The following PTBP3 variants were observed in gnomAD, a reference collection of about 807,000 sequenced individuals.
PTBP3 encodes polypyrimidine tract-binding protein 3.
Under a neutral mutation model 58.7 loss-of-function variants are expected in PTBP3, and 20 were observed. That is an observed-to-expected ratio of 0.34 (90% CI 0.24 to 0.50). The LOEUF (loss-of-function observed/expected upper bound fraction) is 0.50, where lower values mean the gene tolerates loss of function less well. Ranked by LOEUF, PTBP3 falls within the 20% of genes least tolerant of loss-of-function variation. The probability of loss-of-function intolerance (pLI) is 0.98; values close to 1 mark genes in which losing one functional copy is unlikely to be tolerated. For missense variants in PTBP3, 509 were observed against 637.2 expected, an observed-to-expected ratio of 0.80 and a Z score of 2.17; for synonymous variants, 185 against 219.8, an observed-to-expected ratio of 0.84 and a Z score of 1.40.
At position 112,227,428 on chromosome 9, in the gene PTBP3, C is replaced by A; in HGVS notation, c.1347G>T (p.Leu449=). The A allele has an allele frequency of 6.2e-7, 1 of 1,613,720 alleles. No individual in the cohort carries two copies. The highest frequency in any genetic ancestry group is 8.5e-7 in the Non-Finnish European group (1 of 1,179,684). ...GTACATACGGAATGTTGGAAAGATGCAGAGTGGCTGATGGTGGAAAGATAT... is the reference window on the plus strand; with the variant it reads ...GTACATACGGAATGTTGGAAAGATGAAGAGTGGCTGATGGTGGAAAGATAT... ...FQNIFPPSAT[L]HLSNIPPSVT... The change falls in exon 12 of 14, where the codon CTG becomes CTT. Residue 449 remains leucine, a synonymous_variant. Coordinates refer to ENST00000374257, the MANE Select transcript of PTBP3 (RefSeq NM_001163788.4).
At position 112,227,644 on chromosome 9, in the gene PTBP3, A is replaced by C. The variant is rs565800476; in HGVS notation, c.1148-17T>G. The C allele has an allele frequency of 6.2e-7, 1 of 1,602,056 alleles. No homozygotes were observed. ...GGTTCATTGCTAGTGCATGGGAAGA[A>C]AATTTTAAAGTTTGAGTATTAGGAT... On this transcript the variant is annotated splice_polypyrimidine_tract_variant and intron_variant, in intron 11 of 13. Transcript: ENST00000374257.
rs1292276390 is a variant in PTBP3, at chr9:112,221,940, G to A, written c.*1911C>T. ...CTTTTAAGAGAAGGGGTCACACTATGTTCCAGGGCTGGAGTGAAGTGGCTA... is the reference window on the plus strand; with the variant it reads ...CTTTTAAGAGAAGGGGTCACACTATATTCCAGGGCTGGAGTGAAGTGGCTA... On this transcript the variant is annotated 3_prime_UTR_variant, in exon 14 of 14. Transcript: ENST00000374257. 2 of 948,478 alleles carry A rather than the reference G, an allele frequency of 2.1e-6. No homozygotes were observed. The highest frequency in any genetic ancestry group is 3.5e-5 in the African/African-American group (2 of 56,392). 58.8% of individuals were successfully genotyped at this position (948,478 alleles called of 1,614,324 possible). A position where few individuals can be genotyped will look rare whatever the true frequency, so the allele number is the denominator to read the frequency against.
At chr9:112,291,892 C>T (rs1828448227) in intron 2 of PTBP3, among the ~76,000 whole-genome samples, 1 of 152,080 alleles carries the variant, frequency 6.6e-6, no homozygotes, top group African/African-American at 2.4e-5. Context: ...TCAAAACCCT[C>T]TGCACAGCAA....
At position 112,219,455 on chromosome 9, in the gene PTBP3, G is replaced by A. The variant is rs41280167; in HGVS notation, c.*4396C>T. ...CATGCCATAGGCATCTTTCAATTAT[G>A]ACTATGATCACCAAGGTCACTGGAC... On this transcript the variant is annotated 3_prime_UTR_variant, in exon 14 of 14. Transcript: ENST00000374257. 0.011 allele frequency: 1,679 copies of A among 152,424 alleles called. 41 individuals carry two copies. The highest frequency in any genetic ancestry group is 9.9e-3 in the Non-Finnish European group (675 of 68,018). 9.4% of individuals were successfully genotyped at this position (152,424 alleles called of 1,614,324 possible).
At position 112,294,220 on chromosome 9, in the gene PTBP3, T is replaced by C. The variant is rs116086964; in HGVS notation, c.34+3612A>G. Among the ~76,000 whole-genome samples the C allele has an allele frequency of 5.8e-3, 889 of 152,288 alleles. 8 individuals carry two copies. Among genetic ancestry groups the C allele is most frequent in the African/African-American group, 0.02 (843 of 41,566 alleles). ...CGATTAAAGTATGATGAAGGATTAT[T>C]ATCAAAACCTGGCAAGGTACAGTGG... On this transcript the variant is annotated intron_variant, in intron 2 of 13. Coordinates refer to ENST00000374257, the MANE Select transcript of PTBP3 (RefSeq NM_001163788.4).
intron 1 of PTBP3, among the ~76,000 whole-genome samples, chr9:112,312,467 C>T (rs547504380): frequency 2.2e-5 from 3 of 134,070 alleles, no homozygotes; most frequent in Admixed American, 8.3e-5. Flanking sequence ...ACTGAATGAA[C>T]GAGACCTTGT....
At chr9:112,308,656 T>C (rs1829341503) in intron 1 of PTBP3, among the ~76,000 whole-genome samples, 1 of 152,120 alleles carries the variant, frequency 6.6e-6, no homozygotes, top group Non-Finnish European at 1.5e-5. Context: ...AATAAAAGAC[T>C]GTACCACGGG....
chr9:112,296,676 C>T lies in PTBP3; in HGVS notation c.34+1156G>A, dbSNP rs1233117943. On this transcript the variant is annotated intron_variant, in intron 2 of 13. Transcript: ENST00000374257. ...TGATGTTGAGACCAGGGACCCACTG[C>T]CTATCTGTCATTTCCATTTGGATGT... 2.0e-5 allele frequency among the ~76,000 whole-genome samples: 3 copies of T among 152,292 alleles called. No individual in the cohort carries two copies. In the East Asian group the frequency reaches 5.8e-4, roughly 29 times the overall value.
At chr9:112,234,712 G>T in intron 8 of PTBP3, 108 bp downstream of exon 8, 2 of 1,052,122 alleles carry the variant, frequency 1.9e-6, no homozygotes, top group Non-Finnish European at 2.8e-6. Context: ...TATGCATAAT[G>T]CTTTATGGTA....
At chr9:112,234,751 T>C in intron 8 of PTBP3, 69 bp downstream of exon 8, 1 of 1,398,846 alleles carries the variant, frequency 7.1e-7, no homozygotes, top group Non-Finnish European at 1.0e-6. Flanking sequence ...ACATTCTTCA[T>C]CTTGGTAAGT....
intron 1 of PTBP3, among the ~76,000 whole-genome samples, chr9:112,305,609 A>G (rs1240256424): frequency 6.6e-6 from 1 of 152,122 alleles, no homozygotes; most frequent in Non-Finnish European, 1.5e-5. Flanking sequence ...CTTGATTTTA[A>G]TCTGCGTCCT....
At chr9:112,361,779 G>A in the PTBP3 span, among the ~76,000 whole-genome samples, 14 of 152,122 alleles carry the variant, frequency 9.2e-5, no homozygotes, top group Non-Finnish European at 1.6e-4. Context: ...GTGGACATTC[G>A]GGAACTAGCA....
intron 1 of PTBP3, among the ~76,000 whole-genome samples, chr9:112,318,970 A>G (rs779147525): frequency 3.9e-5 from 6 of 151,912 alleles, no homozygotes; most frequent in Admixed American, 1.3e-4. Context: ...TCTACTAAAA[A>G]TACAAAATTA....
intron 2 of PTBP3, among the ~76,000 whole-genome samples, chr9:112,290,859 A>G (rs1828388580): frequency 6.6e-6 from 1 of 151,956 alleles, no homozygotes; most frequent in Admixed American, 6.6e-5. Flanking sequence ...CTAGGACCCA[A>G]TAATTCCACT....
chr9:112,287,436 G>T (rs1301951218), intron 2 of PTBP3, among the ~76,000 whole-genome samples: 2 of 150,890 alleles, frequency 1.3e-5, no homozygotes, highest in African/African-American at 4.9e-5. Context: ...GCCCCCGGGG[G>T]TTCAAGCAAT....
At position 112,223,749 on chromosome 9, in the gene PTBP3, T is replaced by C. The variant is rs1210635242; in HGVS notation, c.*102A>G. The C allele has an allele frequency of 1.2e-5, 17 of 1,391,592 alleles. No individual in the cohort carries two copies. Among genetic ancestry groups the C allele is most frequent in the African/African-American group, 1.6e-5 (1 of 61,514 alleles). 86.2% of individuals were successfully genotyped at this position (1,391,592 alleles called of 1,614,324 possible). A position where few individuals can be genotyped will look rare whatever the true frequency, so the allele number is the denominator to read the frequency against. On this transcript the variant is annotated 3_prime_UTR_variant, in exon 14 of 14. Transcript: ENST00000374257. Reference sequence around the variant, plus strand: ...TACTTGAATATCAAACTCAGAGTTATTTTTGTGAAAGAGGCAAAATTGGTC... The same window carrying C: ...TACTTGAATATCAAACTCAGAGTTACTTTTGTGAAAGAGGCAAAATTGGTC...
intron 3 of PTBP3, among the ~76,000 whole-genome samples, chr9:112,273,904 A>G (rs769898800): frequency 1.3e-5 from 2 of 152,258 alleles, no homozygotes; most frequent in Non-Finnish European, 2.9e-5. Flanking sequence ...AGCAATTAAC[A>G]TAACACTTAC....
chr9:112,252,732 C>G lies in PTBP3; in HGVS notation c.573G>C (p.Gln191His), dbSNP rs1836180666. Residue 191 changes from glutamine to histidine, a missense_variant, in exon 6 of 14, where the codon CAG (glutamine) becomes CAC (histidine). Coordinates refer to ENST00000374257, the MANE Select transcript of PTBP3 (RefSeq NM_001163788.4). ...CAGCATACTGAAGCAAGGCTTGAAA[C>G]TGATTATTCTTTGTAAAGGTGATAA... ...LKIITFTKNN[Q>H]FQALLQYADP... 3 of 1,612,560 alleles carry G rather than the reference C, an allele frequency of 1.9e-6. No homozygotes were observed. Among genetic ancestry groups the G allele is most frequent in the Non-Finnish European group, 2.5e-6 (3 of 1,179,044 alleles).
At position 112,219,637 on chromosome 9, in the gene PTBP3, A is replaced by G. The variant is rs1834735898; in HGVS notation, c.*4214T>C. 6.6e-6 allele frequency: 1 copy of G among 152,664 alleles called. No homozygotes were observed. The allele number at this position is 152,664 out of a possible 1,614,324, so 9.5% of individuals were successfully genotyped here. A position where few individuals can be genotyped will look rare whatever the true frequency, so the allele number is the denominator to read the frequency against. On this transcript the variant is annotated 3_prime_UTR_variant, in exon 14 of 14. Coordinates refer to ENST00000374257, the MANE Select transcript of PTBP3 (RefSeq NM_001163788.4). ...CAAAAGTGTAACTGAGACTTTATTT[A>G]TAGTTACAATTCTTTGCTTGGATGA... is the stretch of plus-strand genomic sequence containing the variant.
Sources: gnomAD v4.1 joint callset for allele counts (sites outside exome capture counted in the v4.1 genomes callset) on GRCh38, gnomAD v4.1.1 for gene constraint, MANE v1.5 for transcripts, NCBI Gene and HGNC (gene_info 2026-07-23, HGNC 2026-07-21) for gene names.